PGM5: variants seen among roughly 807,000 people sequenced by gnomAD.
PGM5 encodes the protein phosphoglucomutase-like protein 5.
Under a neutral mutation model 59.2 loss-of-function variants are expected in PGM5, and 23 were observed. The ratio of observed to expected loss-of-function variants is 0.39; its 90% CI spans 0.28 to 0.55. The LOEUF (loss-of-function observed/expected upper bound fraction) is 0.55. Ranked by LOEUF, PGM5 falls within the 20% of genes least tolerant of loss-of-function variation. The pLI is 0.66. For synonymous variants in PGM5, 214 were observed against 286.0 expected, an observed-to-expected ratio of 0.75 and a Z score of 2.54; for missense variants, 574 against 748.3, an observed-to-expected ratio of 0.77 and a Z score of 2.72.
intron 7 of PGM5, among the ~76,000 whole-genome samples, chr9:68,475,067 G>A (rs1824082118): frequency 6.6e-6 from 1 of 151,524 alleles, no homozygotes; most frequent in Admixed American, 6.6e-5. Flanking sequence ...AGGCTGGAGT[G>A]CAGTGGTGTG....
rs1014133388 is a variant in PGM5 at position 68,500,867 on chromosome 9, C to T, written c.1614+1506C>T. On this transcript the variant is annotated intron_variant, in intron 10 of 10. Coordinates refer to ENST00000396396, the MANE Select transcript of PGM5 (RefSeq NM_021965.4). ...TATTTGCTTATTTTTATTTACCCTC[C>T]GCACTGGACTGAGACCAGGCCATTA... Among the ~76,000 whole-genome samples, 9 of 152,100 alleles carry T rather than the reference C, an allele frequency of 5.9e-5. No individual in the cohort carries two copies. The South Asian group carries it at 8.3e-4, about 14-fold the overall frequency.
At chr9:68,519,888 T>TA (rs1021224428) in intron 10 of PGM5, among the ~76,000 whole-genome samples, 61 of 139,974 alleles carry the variant, frequency 4.4e-4, no homozygotes, top group African/African-American at 1.6e-3. Context: ...TAAGGAGACC[T>TA]TGTCTTTACA....
intron 1 of PGM5, among the ~76,000 whole-genome samples, chr9:68,366,535 G>A (rs1834682418): frequency 6.6e-6 from 1 of 152,200 alleles, no homozygotes; most frequent in African/African-American, 2.4e-5. Context: ...TAGCTTGGGT[G>A]GAGGGGGTGT....
At chr9:68,492,618 C>T (rs554166866) in intron 9 of PGM5, among the ~76,000 whole-genome samples, 32 of 152,210 alleles carry the variant, frequency 2.1e-4, no homozygotes, top group East Asian at 7.7e-4. Flanking sequence ...CCAAGCCAGC[C>T]GAAGGAAGGA....
intron 6 of PGM5, among the ~76,000 whole-genome samples, chr9:68,417,371 C>G (rs1298262039): frequency 2.0e-5 from 3 of 152,176 alleles, no homozygotes; most frequent in African/African-American, 4.8e-5. Flanking sequence ...TTTACTGCCC[C>G]CTAGATCCCT....
At chr9:68,408,774 G>A (rs1554681373) in intron 6 of PGM5, among the ~76,000 whole-genome samples, 1 of 152,166 alleles carries the variant, frequency 6.6e-6, no homozygotes, top group Non-Finnish European at 1.5e-5. Flanking sequence ...AAGGGATCCA[G>A]TTTCAGCTTT....
intron 6 of PGM5, among the ~76,000 whole-genome samples, chr9:68,420,374 G>A (rs1823107567): frequency 6.6e-6 from 1 of 152,138 alleles, no homozygotes; most frequent in African/African-American, 2.4e-5. Flanking sequence ...CATGAAGTAG[G>A]ATGCAAGGTT....
At chr9:68,505,677 G>A (rs1313081064) in intron 10 of PGM5, among the ~76,000 whole-genome samples, 1 of 152,156 alleles carries the variant, frequency 6.6e-6, no homozygotes, top group Non-Finnish European at 1.5e-5. Flanking sequence ...GAGCTTCCAT[G>A]CCCTCTCTGG....
At chr9:68,522,014 GGAGGCCAA>G (rs910722924) in intron 10 of PGM5, among the ~76,000 whole-genome samples, 29 of 152,194 alleles carry the variant, frequency 1.9e-4, no homozygotes, top group Admixed American at 1.7e-3. Context: ...CAGCACTTTG[GGAGGCCAA>G]GACAGGTGGA....
At chr9:68,370,033 GTTTTGT>G (rs1198526183) in intron 1 of PGM5, among the ~76,000 whole-genome samples, 1 of 151,904 alleles carries the variant, frequency 6.6e-6, no homozygotes, top group Non-Finnish European at 1.5e-5. Context: ...TCCTTCCAGT[GTTTTGT>G]TTTTGTTTTT....
chr9:68,500,768 C>T (rs1824560422), intron 10 of PGM5, among the ~76,000 whole-genome samples: 1 of 152,170 alleles, frequency 6.6e-6, no homozygotes, highest in South Asian at 2.1e-4. Context: ...CTCACCAACT[C>T]TGACTCACTC....
At chr9:68,400,005 A>G (rs1822625256) in intron 6 of PGM5, among the ~76,000 whole-genome samples, 1 of 152,100 alleles carries the variant, frequency 6.6e-6, no homozygotes, top group Admixed American at 6.6e-5. Context: ...ATGTTTTTAA[A>G]TTGTTATTTC....
At chr9:68,462,500 A>G (rs1823871155) in intron 6 of PGM5, among the ~76,000 whole-genome samples, 1 of 152,132 alleles carries the variant, frequency 6.6e-6, no homozygotes, top group South Asian at 2.1e-4. Flanking sequence ...GATAGCTGCA[A>G]CTGTGGCTCA....
chr9:68,490,005 A>C (rs1554687783), intron 9 of PGM5, among the ~76,000 whole-genome samples: 2 of 152,212 alleles, frequency 1.3e-5, no homozygotes, highest in Non-Finnish European at 1.5e-5. Context: ...GAAAAAGCAC[A>C]CTTTGAAGAC....
At chr9:68,424,743 T>C (rs1457978330) in intron 6 of PGM5, among the ~76,000 whole-genome samples, 1 of 152,236 alleles carries the variant, frequency 6.6e-6, no homozygotes, top group African/African-American at 2.4e-5. Flanking sequence ...CAGTAAGGAC[T>C]ACAGAATGTA....
chr9:68,479,250 T>C (rs565091711), intron 7 of PGM5, among the ~76,000 whole-genome samples, 168 bp from the exon 8 acceptor site: 2 of 152,326 alleles, frequency 1.3e-5, no homozygotes, highest in South Asian at 2.1e-4. Flanking sequence ...TTCAGTTGGA[T>C]ATTTTTCAGA....
Position 68,356,685 on chromosome 9 carries a change from G to T in PGM5, c.-443G>T, listed in dbSNP as rs1175047240. Among the ~76,000 whole-genome samples, 2 of 152,266 alleles carry T rather than the reference G, an allele frequency of 1.3e-5. No homozygotes were observed. The highest frequency in any genetic ancestry group is 4.8e-5 in the African/African-American group (2 of 41,470). ...GACTCTGCCCAAAGTCTCGCCGCCC[G>T]CCGGCTGTTTTCTGGCGGAGGGTGT... On this transcript the variant is annotated 5_prime_UTR_variant, in exon 1 of 11. Transcript: ENST00000396396.
chr9:68,400,279 A>C (rs1360926779), intron 6 of PGM5, among the ~76,000 whole-genome samples: 2 of 152,158 alleles, frequency 1.3e-5, no homozygotes, highest in Non-Finnish European at 2.9e-5. Flanking sequence ...ATTATAGAAC[A>C]CGCATAATCT....
intron 6 of PGM5, among the ~76,000 whole-genome samples, chr9:68,464,774 T>C (rs892315613): frequency 3.3e-5 from 5 of 152,140 alleles, no homozygotes; most frequent in African/African-American, 7.2e-5. Context: ...CCTCTTAATT[T>C]AGATTCTGAT....
Sources: gnomAD v4.1 joint callset for allele counts (sites outside exome capture counted in the v4.1 genomes callset) on GRCh38, gnomAD v4.1.1 for gene constraint, MANE v1.5 for transcripts, NCBI Gene and HGNC (gene_info 2026-07-23, HGNC 2026-07-21) for gene names.